HNRNPUL1: variants seen among roughly 807,000 people sequenced by gnomAD.
HNRNPUL1 encodes heterogeneous nuclear ribonucleoprotein U-like protein 1.
Under a neutral mutation model 108.5 loss-of-function variants are expected in HNRNPUL1, and 14 were observed. The observed-to-expected ratio is 0.13, with a 90% confidence interval of 0.09 to 0.20. HNRNPUL1 has a LOEUF of 0.20. Ranked by LOEUF, HNRNPUL1 falls within the 10% of genes least tolerant of loss-of-function variation. The pLI is 1.00. For synonymous variants in HNRNPUL1, 422 were observed against 445.2 expected (o/e 0.95, Z 0.66); for missense variants, 804 against 1,168.3 (o/e 0.69, Z 4.55).
intron 5 of HNRNPUL1, among the ~76,000 whole-genome samples, chr19:41,277,087 ACT>A (rs1377498477): frequency 1.4e-5 from 2 of 145,212 alleles, no homozygotes; most frequent in South Asian, 2.2e-4. Flanking sequence ...ACAGAGTGAG[ACT>A]CTGTCTCAAA....
chr19:41,301,552 C>T lies in HNRNPUL1; in HGVS notation c.1535C>T (p.Ser512Leu). Residue 512 changes from serine to leucine, a missense_variant, in exon 11 of 15, where the codon TCA becomes TTA. Coordinates refer to ENST00000392006, the MANE Select transcript of HNRNPUL1 (RefSeq NM_007040.6). The part of the protein sequence containing the change: ...YILDQTNVYG[S>L]AQRRKMRPFE... ...TACCCTTAGACAAATGTTTATGGGT[C>T]AGCCCAGAGACGAAAAATGAGACCA... 6.2e-7 allele frequency: 1 copy of T among 1,612,746 alleles called. No homozygotes were observed. Among genetic ancestry groups the T allele is most frequent in the Non-Finnish European group, 8.5e-7 (1 of 1,179,576 alleles).
Position 41,294,813 on chromosome 19 carries a change from G to A in HNRNPUL1, c.1518+127G>A. On this transcript the variant is annotated intron_variant, in intron 10 of 14. Transcript: ENST00000392006. The surrounding 1 kb of genome is among the most constrained non-coding windows in gnomAD (Gnocchi z 4.3). The stretch of plus-strand genomic sequence containing the variant: ...ATGGACTGCTGTGCTAGTCGGGGGG[G>A]TCAGACCTTGTCATACATGATGACA... The A allele has an allele frequency of 9.5e-7, 1 of 1,057,000 alleles. No individual in the cohort carries two copies. Among genetic ancestry groups the A allele is most frequent in the Non-Finnish European group, 1.4e-6 (1 of 719,856 alleles). The allele number at this position is 1,057,000 out of a possible 1,614,324, so 65.5% of individuals were successfully genotyped here. A position where few individuals can be genotyped will look rare whatever the true frequency, so the allele number is the denominator to read the frequency against.
chr19:41,284,110 T>C (rs2036067420), intron 7 of HNRNPUL1, among the ~76,000 whole-genome samples: 1 of 152,212 alleles, frequency 6.6e-6, no homozygotes, highest in South Asian at 2.1e-4. Flanking sequence ...TCATAAGCCT[T>C]GAGTAGCACC....
chr19:41,281,753 C>T (rs1457949637), intron 7 of HNRNPUL1, among the ~76,000 whole-genome samples: 1 of 152,180 alleles, frequency 6.6e-6, no homozygotes, highest in Non-Finnish European at 1.5e-5. Context: ...TGATGCAAAA[C>T]AGAACAGCTG....
chr19:41,275,239 G>A (rs1243929034), intron 4 of HNRNPUL1, among the ~76,000 whole-genome samples: 1 of 152,184 alleles, frequency 6.6e-6, no homozygotes, highest in East Asian at 1.9e-4. Context: ...ACAGAGGGCG[G>A]TAGGAATATA....
chr19:41,276,258 G>A lies in HNRNPUL1; in HGVS notation c.746G>A (p.Ser249Asn), dbSNP rs149059713. 190 of 1,613,242 alleles carry A rather than the reference G, an allele frequency of 1.2e-4. No individual in the cohort carries two copies. The highest frequency in any genetic ancestry group is 1.5e-4 in the Non-Finnish European group (180 of 1,179,466). Residue 249 changes from serine to asparagine, a missense_variant, in exon 5 of 15, where the codon AGC becomes AAC. Physicochemically the swap from Ser to Asn is conservative, Grantham distance 46. Around this residue, in one of 4 missense-constraint regions of HNRNPUL1, gnomAD observed 174 missense variants for 296.6 expected, o/e 0.59. Transcript: ENST00000392006. ...FAYLWSGARASYGVRRGRVCF... is the reference protein window; with the variant it reads ...FAYLWSGARANYGVRRGRVCF... ...TACCTGTGGTCAGGAGCCCGTGCCA[G>A]CTATGGGGTCAGAAGGGGCCGTGTA...
intron 1 of HNRNPUL1, among the ~76,000 whole-genome samples, chr19:41,267,461 A>G (rs952093798): frequency 1.3e-5 from 2 of 152,178 alleles, no homozygotes; most frequent in Admixed American, 6.5e-5. Flanking sequence ...CTTACTTGCT[A>G]CAACAAAGTC....
chr19:41,297,902 G>A (rs1013330080), intron 10 of HNRNPUL1, among the ~76,000 whole-genome samples: 2 of 152,160 alleles, frequency 1.3e-5, no homozygotes, highest in African/African-American at 2.4e-5. Context: ...CTTGGAGGAA[G>A]GATGTTTCTT....
rs533016216 is a variant in HNRNPUL1 at position 41,286,430 on chromosome 19, T to C, written c.999+5155T>C. 10 of 152,294 alleles carry C rather than the reference T, an allele frequency of 6.6e-5. No individual in the cohort carries two copies. The South Asian group carries it at 1.9e-3, about 28-fold the overall frequency. The allele number at this position is 152,294 out of a possible 1,614,324, so 9.4% of individuals were successfully genotyped here. On this transcript the variant is annotated intron_variant, in intron 7 of 14. Transcript: ENST00000392006. ...CCTTCTTTTCTTTTTTTTTAATAAATGAGACAGGGTCTTGCTGCATTTTCA... is the reference window on the plus strand; with the variant it reads ...CCTTCTTTTCTTTTTTTTTAATAAACGAGACAGGGTCTTGCTGCATTTTCA...
At position 41,304,076 on chromosome 19, in the gene HNRNPUL1, C is replaced by T; in HGVS notation, c.2077C>T (p.Gln693Ter). 1 of 1,613,436 alleles carries T rather than the reference C, an allele frequency of 6.2e-7. No individual in the cohort carries two copies. The highest frequency in any genetic ancestry group is 2.2e-5 in the East Asian group (1 of 44,878). The change falls in exon 13 of 15, where the codon CAG (glutamine) becomes TAG (stop). Residue 693 changes from glutamine to a stop codon, truncating the protein, a stop_gained. Coordinates refer to ENST00000392006, the MANE Select transcript of HNRNPUL1 (RefSeq NM_007040.6). LOFTEE classifies it high-confidence loss of function. ...CAGAGGCAGCTACAACCGGGCTCCCCAGCAACAGCCGCCACCACAGCAGCC... is the reference window on the plus strand; with the variant it reads ...CAGAGGCAGCTACAACCGGGCTCCCTAGCAACAGCCGCCACCACAGCAGCC... ...NNRGSYNRAP[Q>*]QQPPPQQPPP...
At chr19:41,280,192 A>G (rs1391743988) in intron 6 of HNRNPUL1, among the ~76,000 whole-genome samples, 3 of 152,222 alleles carry the variant, frequency 2.0e-5, no homozygotes, top group East Asian at 3.8e-4. Context: ...GAGTGGAATA[A>G]TAGATAATGG....
chr19:41,283,388 C>A (rs1024775582), intron 7 of HNRNPUL1, among the ~76,000 whole-genome samples: 1 of 152,228 alleles, frequency 6.6e-6, no homozygotes, highest in African/African-American at 2.4e-5. Flanking sequence ...TCAAGTGATT[C>A]TTGTGCCTCA....
At chr19:41,306,015 T>A in intron 14 of HNRNPUL1, 148 bp downstream of exon 14, 1 of 627,396 alleles carries the variant, frequency 1.6e-6, no homozygotes. Flanking sequence ...CCATTCCATT[T>A]GGTCAACACT....
Position 41,272,201 on chromosome 19 carries a change from G to A in HNRNPUL1, c.538G>A (p.Gly180Arg). Residue 180 changes from glycine (G) to arginine (R), a missense_variant, in exon 3 of 15, where the codon GGA becomes AGA. Physicochemically the swap from Gly to Arg is moderately radical, Grantham distance 125 (BLOSUM62 -2). This residue lies in a region of HNRNPUL1 where 256 missense variants were observed against 261.6 expected (regional missense o/e 0.98). Coordinates refer to ENST00000392006, the MANE Select transcript of HNRNPUL1 (RefSeq NM_007040.6). Reference protein sequence around the residue: ...SRKRPYEENRGRGYFEHREDR... With the variant: ...SRKRPYEENRRRGYFEHREDR... ...AAAGAGGCCTTATGAAGAAAACCGG[G>A]GACGGGGGTACTTTGAGCACCGAGA... 2 of 1,613,898 alleles carry A rather than the reference G, an allele frequency of 1.2e-6. No individual in the cohort carries two copies. Among genetic ancestry groups the A allele is most frequent in the Non-Finnish European group, 1.7e-6 (2 of 1,179,934 alleles).
At chr19:41,289,231 T>A (rs989397515) in intron 7 of HNRNPUL1, among the ~76,000 whole-genome samples, 5 of 152,340 alleles carry the variant, frequency 3.3e-5, no homozygotes, top group African/African-American at 1.2e-4. Flanking sequence ...GTTCAGAAGA[T>A]ACCACAACTT....
intron 5 of HNRNPUL1, among the ~76,000 whole-genome samples, chr19:41,277,235 A>G (rs1478654905): frequency 1.3e-5 from 2 of 152,178 alleles, no homozygotes; most frequent in African/African-American, 2.4e-5. Flanking sequence ...TGTGTATCCA[A>G]ACTTACTGAT....
chr19:41,282,587 T>C (rs2035961878), intron 7 of HNRNPUL1, among the ~76,000 whole-genome samples: 1 of 152,240 alleles, frequency 6.6e-6, no homozygotes, highest in Non-Finnish European at 1.5e-5. Context: ...CACATTTGCT[T>C]TACCATTTTC....
At chr19:41,288,605 A>G (rs2036393438) in intron 7 of HNRNPUL1, among the ~76,000 whole-genome samples, 1 of 152,098 alleles carries the variant, frequency 6.6e-6, no homozygotes, top group Non-Finnish European at 1.5e-5. Context: ...TATTGTCTGT[A>G]GTCATTGTAT....
chr19:41,274,511 G>C (rs909332163), intron 4 of HNRNPUL1, among the ~76,000 whole-genome samples: 2 of 152,190 alleles, frequency 1.3e-5, no homozygotes, highest in Non-Finnish European at 2.9e-5. Context: ...ACTGTGTCCT[G>C]TGAGGCACTA....
Sources: gnomAD v4.1 joint callset for allele counts (sites outside exome capture counted in the v4.1 genomes callset) on GRCh38, gnomAD v4.1.1 for gene constraint, gnomAD v4.1.1 regional missense constraint, Gnocchi (gnomAD v3.1) non-coding constraint, MANE v1.5 for transcripts, NCBI Gene and HGNC (gene_info 2026-07-23, HGNC 2026-07-21) for gene names.